Variants in SOX6 observed in about 807,000 individuals in gnomAD.
SOX6 encodes the protein transcription factor SOX-6.
Under a neutral mutation model 97.8 loss-of-function variants are expected in SOX6, and 11 were observed. That is an observed-to-expected ratio of 0.11 (90% CI 0.07 to 0.19). The LOEUF (loss-of-function observed/expected upper bound fraction) is 0.19. Among genes scored for constraint, SOX6 ranks in the 10% least tolerant of loss-of-function variants. The pLI, the probability that SOX6 is intolerant of heterozygous loss-of-function variation, is 1.00. For synonymous variants in SOX6, 360 were observed against 371.4 expected (o/e 0.97, Z 0.35); for missense variants, 810 against 1,039.5 (o/e 0.78, Z 3.04).
At chr11:16,529,304 T>G (rs931504115) in intron 4 of SOX6, among the ~76,000 whole-genome samples, 1 of 152,094 alleles carries the variant, frequency 6.6e-6, no homozygotes, top group African/African-American at 2.4e-5. Flanking sequence ...GAAAATCTTA[T>G]AGCAGGCCTC....
chr11:16,206,815 T>C (rs1471846660), intron 4 of SOX6, among the ~76,000 whole-genome samples: 2 of 152,172 alleles, frequency 1.3e-5, no homozygotes, highest in African/African-American at 4.8e-5. Flanking sequence ...ACAGACACTT[T>C]CATTGACTAG....
At chr11:16,225,374 C>T (rs1852655011) in intron 4 of SOX6, among the ~76,000 whole-genome samples, 1 of 148,790 alleles carries the variant, frequency 6.7e-6, no homozygotes, top group African/African-American at 2.5e-5. Context: ...AAAATTCATT[C>T]ATAAGCAAAT....
intron 1 of SOX6, among the ~76,000 whole-genome samples, chr11:16,397,301 T>C (rs995771517): frequency 7.3e-5 from 11 of 151,684 alleles, no homozygotes; most frequent in African/African-American, 2.7e-4. Context: ...ACCAATAGCA[T>C]GTATAGGGAT....
At chr11:16,021,047 A>G (rs564128937) in intron 12 of SOX6, among the ~76,000 whole-genome samples, 86 of 152,280 alleles carry the variant, frequency 5.6e-4, no homozygotes, top group African/African-American at 2.0e-3. Context: ...CAATTTTAGA[A>G]GAGCACAATA....
chr11:16,290,580 G>C (rs571491804), intron 3 of SOX6, among the ~76,000 whole-genome samples: 1 of 152,140 alleles, frequency 6.6e-6, no homozygotes, highest in African/African-American at 2.4e-5. Flanking sequence ...AACGTGTTTT[G>C]TCATTTCTGA....
At chr11:16,067,466 T>G (rs569176879) in intron 9 of SOX6, among the ~76,000 whole-genome samples, 5 of 152,206 alleles carry the variant, frequency 3.3e-5, no homozygotes, top group Non-Finnish European at 7.4e-5. Flanking sequence ...CCTGACACCA[T>G]GTAAGACGTG....
chr11:16,642,924 A>T (rs1321099040), intron 3 of SOX6, among the ~76,000 whole-genome samples: 1 of 152,216 alleles, frequency 6.6e-6, no homozygotes, highest in African/African-American at 2.4e-5. Flanking sequence ...CATCAAAGTC[A>T]TTCTCTGTCC....
chr11:15,988,790 A>G (rs1853946047), intron 14 of SOX6, among the ~76,000 whole-genome samples: 1 of 152,236 alleles, frequency 6.6e-6, no homozygotes. Context: ...GGTGGATATA[A>G]TAACTCCCAA....
intron 3 of SOX6, among the ~76,000 whole-genome samples, chr11:16,699,451 G>A (rs1288609886): frequency 6.6e-6 from 1 of 152,020 alleles, no homozygotes; most frequent in Non-Finnish European, 1.5e-5. Flanking sequence ...TATTTAGAAT[G>A]CAAATTTTCA....
Position 16,102,984 on chromosome 11 carries a change from AG to A in SOX6, c.899-5297del, listed in dbSNP as rs1848986998. On this transcript the variant is annotated intron_variant, in intron 7 of 15. Coordinates refer to ENST00000683767, the MANE Select transcript of SOX6 (RefSeq NM_001367873.1). ...GGCTTAGGCAAAGAATTCATCACCA[AG>A]AACCCAAAAGCAAATGCAACAAAAG... Among the ~76,000 whole-genome samples the A allele has an allele frequency of 2.0e-5, 3 of 152,084 alleles. No individual in the cohort carries two copies. The South Asian group carries it at 6.2e-4, about 31-fold the overall frequency.
chr11:16,178,304 T>C (rs1391405252), intron 6 of SOX6, among the ~76,000 whole-genome samples: 2 of 152,010 alleles, frequency 1.3e-5, no homozygotes, highest in Non-Finnish European at 2.9e-5. Context: ...CTATTCTTTA[T>C]AACCCAGAAA....
intron 4 of SOX6, among the ~76,000 whole-genome samples, chr11:16,502,401 T>C (rs996946398): frequency 6.6e-6 from 1 of 152,076 alleles, no homozygotes; most frequent in Non-Finnish European, 1.5e-5. Flanking sequence ...ACATGACACA[T>C]GTATACATAT....
intron 7 of SOX6, among the ~76,000 whole-genome samples, chr11:16,106,266 A>C (rs988154514): frequency 2.0e-5 from 3 of 152,066 alleles, no homozygotes; most frequent in African/African-American, 7.2e-5. Context: ...AAAGACGAAT[A>C]AAGTTGGAAA....
At chr11:16,267,658 A>G (rs1419077084) in intron 3 of SOX6, among the ~76,000 whole-genome samples, 1 of 151,612 alleles carries the variant, frequency 6.6e-6, no homozygotes, top group Non-Finnish European at 1.5e-5. Flanking sequence ...ACCTAAAAAT[A>G]TAATTAACAT....
chr11:16,029,134 G>A (rs548391538), intron 12 of SOX6, among the ~76,000 whole-genome samples: 17 of 152,240 alleles, frequency 1.1e-4, no homozygotes, highest in African/African-American at 4.1e-4. Flanking sequence ...AATCCTTCCC[G>A]CTGAATTAGA....
At chr11:16,046,475 A>G (rs575598929) in intron 12 of SOX6, 39 bp downstream of exon 12, 2 of 1,607,048 alleles carry the variant, frequency 1.2e-6, no homozygotes, top group African/African-American at 1.3e-5. Flanking sequence ...GTGAGCCAAT[A>G]AGTCTAGCAG....
At chr11:16,441,363 T>A (rs912162732) in intron 1 of SOX6, among the ~76,000 whole-genome samples, 4 of 152,218 alleles carry the variant, frequency 2.6e-5, no homozygotes, top group Non-Finnish European at 1.5e-5. Flanking sequence ...TTAAGTTATG[T>A]GTAAAATAAC....
intron 6 of SOX6, among the ~76,000 whole-genome samples, chr11:16,145,518 A>C (rs1283634899): frequency 1.3e-5 from 2 of 152,220 alleles, no homozygotes; most frequent in Non-Finnish European, 2.9e-5. Context: ...AGGCAGGAGA[A>C]AGAAATAAAG....
At chr11:16,268,869 C>T (rs1854159464) in intron 3 of SOX6, among the ~76,000 whole-genome samples, 2 of 150,598 alleles carry the variant, frequency 1.3e-5, no homozygotes. Flanking sequence ...TATTTTCTCT[C>T]AATTTGTAGG....
Sources: gnomAD v4.1 joint callset for allele counts (sites outside exome capture counted in the v4.1 genomes callset) on GRCh38, gnomAD v4.1.1 for gene constraint, MANE v1.5 for transcripts, NCBI Gene and HGNC (gene_info 2026-07-23, HGNC 2026-07-21) for gene names.